The following LGR4 variants were observed in gnomAD, a reference collection of about 807,000 sequenced individuals.
LGR4 encodes leucine rich repeat containing G protein-coupled receptor 4, also known as leucine-rich repeat-containing G protein-coupled receptor 4.
In LGR4, 44 loss-of-function variants were observed where a neutral mutation model predicts 84.8. The observed-to-expected ratio is 0.52, with a 90% CI of 0.41 to 0.67. The LOEUF is 0.67. Among genes scored for constraint, LGR4 ranks in the 30% least tolerant of loss-of-function variants. The pLI is 0.00. For missense variants in LGR4, 1,032 were observed against 1,131.4 expected, an observed-to-expected ratio of 0.91 and a Z score of 1.26; for synonymous variants, 429 against 434.3, an observed-to-expected ratio of 0.99 and a Z score of 0.15.
chr11:27,373,442 A>G (rs1862921503), intron 15 of LGR4, 109 bp downstream of exon 15: 1 of 1,084,974 alleles, frequency 9.2e-7, no homozygotes. Context: ...AACACCCTTA[A>G]ATTATAGCCT....
intron 1 of LGR4, among the ~76,000 whole-genome samples, chr11:27,462,889 G>GA (rs1476726894): frequency 2.0e-5 from 3 of 151,172 alleles, no homozygotes; most frequent in South Asian, 2.1e-4. Flanking sequence ...AAAAAGAAAG[G>GA]AAAAAAACAA....
intron 1 of LGR4, among the ~76,000 whole-genome samples, chr11:27,456,416 A>T (rs1262956815): frequency 6.6e-6 from 1 of 152,216 alleles, no homozygotes; most frequent in Non-Finnish European, 1.5e-5. Context: ...TGGGTGATTC[A>T]CTTTTATGCT....
At chr11:27,450,681 G>T (rs961616285) in intron 1 of LGR4, among the ~76,000 whole-genome samples, 5 of 152,098 alleles carry the variant, frequency 3.3e-5, no homozygotes, top group African/African-American at 1.2e-4. Flanking sequence ...CCACCTACTC[G>T]GGAGGCTGAG....
chr11:27,446,307 T>G lies in LGR4; in HGVS notation c.185+25811A>C, dbSNP rs937655454. On this transcript the variant is annotated intron_variant, in intron 1 of 17. Transcript: ENST00000379214. The stretch of plus-strand genomic sequence containing the variant: ...GTTTAATTAGATCCCATTTGTCAAC[T>G]TTGGCTTTTGCTGCCATTGCTTTTG... Among the ~76,000 whole-genome samples, 10 of 152,214 alleles carry G rather than the reference T, an allele frequency of 6.6e-5. 1 individual carries two copies. The highest frequency in any genetic ancestry group is 1.5e-4 in the Non-Finnish European group (10 of 68,046).
At chr11:27,418,006 T>C (rs543125774) in intron 1 of LGR4, among the ~76,000 whole-genome samples, 17 of 152,350 alleles carry the variant, frequency 1.1e-4, no homozygotes, top group African/African-American at 4.1e-4. Context: ...GGGCTTCCTT[T>C]ACAAGAGGGA....
chr11:27,368,923 C>T lies in LGR4; in HGVS notation c.1800G>A (p.Val600=). Reference sequence around the variant, plus strand: ...CAAATTCAGCGAATCTGCCCCAGGACACAGCATCAAGAAAAGTTAGGATGC... The same window carrying T: ...CAAATTCAGCGAATCTGCCCCAGGATACAGCATCAAGAAAAGTTAGGATGC... ...YTGILTFLDA[V]SWGRFAEFGI... is the part of the protein sequence containing the mutation. The change falls in exon 18 of 18, where the codon GTG becomes GTA. Residue 600 remains valine (V), a synonymous_variant. Transcript: ENST00000379214. 1.2e-6 allele frequency: 2 copies of T among 1,614,126 alleles called. No individual in the cohort carries two copies. Among genetic ancestry groups the T allele is most frequent in the Non-Finnish European group, 1.7e-6 (2 of 1,180,006 alleles).
At chr11:27,385,815 CA>C (rs66507121) in intron 4 of LGR4, among the ~76,000 whole-genome samples, 16 of 146,876 alleles carry the variant, frequency 1.1e-4, no homozygotes, top group Admixed American at 6.8e-5. Flanking sequence ...ATCAGGCATA[CA>C]AAAAAAAAAA....
At chr11:27,436,320 G>T (rs921074534) in intron 1 of LGR4, among the ~76,000 whole-genome samples, 1 of 119,468 alleles carries the variant, frequency 8.4e-6, no homozygotes, top group African/African-American at 3.2e-5. Flanking sequence ...TGCAAAGAAA[G>T]AAAGAAATAA....
intron 1 of LGR4, among the ~76,000 whole-genome samples, chr11:27,433,565 T>C (rs1328290284): frequency 6.6e-6 from 1 of 152,050 alleles, no homozygotes; most frequent in Non-Finnish European, 1.5e-5. Context: ...AACCTAATGT[T>C]CTTCAGAGTG....
At chr11:27,472,084 C>G (rs771020541) in intron 1 of LGR4, 34 bp downstream of exon 1, 58 of 133,474 alleles carry the variant, frequency 4.3e-4, no homozygotes, top group Non-Finnish European at 6.5e-4. Context: ...CCCGTTTCCT[C>G]CCCCCCCCTC....
chr11:27,467,700 T>C (rs999881434), intron 1 of LGR4, among the ~76,000 whole-genome samples: 1 of 152,208 alleles, frequency 6.6e-6, no homozygotes, highest in African/African-American at 2.4e-5. Context: ...ATATGACTCA[T>C]TCAAGGTCAC....
Position 27,382,231 on chromosome 11 carries a change from C to T in LGR4, c.715G>A (p.Glu239Lys), listed in dbSNP as rs1468267236. Residue 239 changes from glutamate (E) to lysine (K), a missense_variant, in exon 7 of 18, where the codon GAA (glutamate) becomes AAA (lysine). Coordinates refer to ENST00000379214, the MANE Select transcript of LGR4 (RefSeq NM_018490.5). ...TLDLNYNNLG[E>K]FPQAIKALPS... is the part of the protein sequence containing the mutation. ...AGGGCTTTAATAGCCTGAGGAAATTCCCCCAAGTTATTATAATTCAAGTCT... is the reference window on the plus strand; with the variant it reads ...AGGGCTTTAATAGCCTGAGGAAATTTCCCCAAGTTATTATAATTCAAGTCT... 1.2e-6 allele frequency: 2 copies of T among 1,608,004 alleles called. No homozygotes were observed. The highest frequency in any genetic ancestry group is 1.1e-5 in the South Asian group (1 of 90,846).
intron 2 of LGR4, among the ~76,000 whole-genome samples, chr11:27,399,939 G>A (rs1006142655): frequency 2.6e-5 from 4 of 152,164 alleles, no homozygotes. Context: ...AATAAAAACT[G>A]AAAGAGGTAC....
chr11:27,377,958 T>A (rs1390724224), intron 11 of LGR4, among the ~76,000 whole-genome samples: 2 of 152,190 alleles, frequency 1.3e-5, no homozygotes, highest in African/African-American at 2.4e-5. Flanking sequence ...ATGTTACAAC[T>A]GCCTACAGTA....
At chr11:27,413,044 A>T (rs957148000) in intron 1 of LGR4, among the ~76,000 whole-genome samples, 184 bp from the exon 2 acceptor site, 2 of 152,154 alleles carry the variant, frequency 1.3e-5, no homozygotes, top group African/African-American at 4.8e-5. Context: ...ATGTTCTGTT[A>T]TAAATTATGT....
intron 1 of LGR4, among the ~76,000 whole-genome samples, chr11:27,417,184 G>A (rs765517072): frequency 6.6e-6 from 1 of 151,912 alleles, no homozygotes; most frequent in Non-Finnish European, 1.5e-5. Context: ...TTATCTGGCA[G>A]TTTAAAAAGT....
At chr11:27,416,948 G>A (rs1434081691) in intron 1 of LGR4, among the ~76,000 whole-genome samples, 1 of 152,096 alleles carries the variant, frequency 6.6e-6, no homozygotes, top group African/African-American at 2.4e-5. Context: ...TAAGATCCCT[G>A]TAAAATGATC....
In LGR4 at chr11:27,454,565, G is replaced by A. The variant is rs1864539255; in HGVS notation, c.185+17553C>T. Among the ~76,000 whole-genome samples the A allele has an allele frequency of 2.6e-5, 4 of 152,240 alleles. No individual in the cohort carries two copies. In the South Asian group the frequency reaches 8.3e-4, roughly 32 times the overall value. On this transcript the variant is annotated intron_variant, in intron 1 of 17. Transcript: ENST00000379214. ...GCCTGAGGTCAGGAGTTCGAGACCA[G>A]TCTGGCCAAGATGGTGAAACCCTGT...
At chr11:27,411,060 T>C (rs901552706) in intron 2 of LGR4, among the ~76,000 whole-genome samples, 3 of 152,146 alleles carry the variant, frequency 2.0e-5, no homozygotes, top group Admixed American at 6.6e-5. Context: ...TCAACGAAGA[T>C]GGTGTGCACA....
Sources: gnomAD v4.1 joint callset for allele counts (sites outside exome capture counted in the v4.1 genomes callset) on GRCh38, gnomAD v4.1.1 for gene constraint, MANE v1.5 for transcripts, NCBI Gene and HGNC (gene_info 2026-07-23, HGNC 2026-07-21) for gene names.